PDZD8: variants seen among roughly 807,000 people sequenced by gnomAD.
The protein encoded by PDZD8 is PDZ domain containing 8, also known as PDZ domain-containing protein 8.
In PDZD8, 14 loss-of-function variants were observed where a neutral mutation model predicts 85.8. The ratio of observed to expected loss-of-function variants is 0.16; its 90% confidence interval spans 0.11 to 0.26. The LOEUF is 0.26. Among genes scored for constraint, PDZD8 ranks in the 10% least tolerant of loss-of-function variants. PDZD8 has a pLI of 1.00. For missense variants in PDZD8, 1,197 were observed against 1,424.3 expected, an observed-to-expected ratio of 0.84 and a Z score of 2.57; for synonymous variants, 592 against 568.6, an observed-to-expected ratio of 1.04 and a Z score of -0.59.
At chr10:117,287,520 T>G (rs529927539) in intron 4 of PDZD8, among the ~76,000 whole-genome samples, 1 of 152,320 alleles carries the variant, frequency 6.6e-6, no homozygotes, top group South Asian at 2.1e-4. Flanking sequence ...CTAAAACCTT[T>G]CTTTGACTGT....
chr10:117,322,166 T>C (rs574419323), intron 2 of PDZD8, among the ~76,000 whole-genome samples: 2 of 152,250 alleles, frequency 1.3e-5, no homozygotes, highest in East Asian at 3.9e-4. Context: ...CTGTGCTAGA[T>C]CCTAATAAGA....
chr10:117,362,125 A>C (rs1424218391), intron 1 of PDZD8, among the ~76,000 whole-genome samples: 1 of 152,156 alleles, frequency 6.6e-6, no homozygotes, highest in Non-Finnish European at 1.5e-5. Flanking sequence ...AAAGTACATA[A>C]ATGATTTTAA....
intron 1 of PDZD8, among the ~76,000 whole-genome samples, chr10:117,345,187 T>G (rs1328077911): frequency 6.6e-6 from 1 of 152,220 alleles, no homozygotes; most frequent in Non-Finnish European, 1.5e-5. Flanking sequence ...TTTACAATAG[T>G]CTGTGAAGAA....
chr10:117,285,392 C>T lies in PDZD8; in HGVS notation c.1341G>A (p.Arg447=). 6.2e-7 allele frequency: 1 copy of T among 1,614,092 alleles called. No homozygotes were observed. ...AGDRVLVYYE[R]PVGQSNQGAV... is the part of the protein sequence containing the mutation. ...CACCTTGATTACTCTGGCCAACAGG[C>T]CTTTCATAGTACACCAGGACTCGGT... The change falls in exon 5 of 5, where the codon AGG becomes AGA. Residue 447 remains arginine, a synonymous_variant. Transcript: ENST00000334464.
intron 3 of PDZD8, among the ~76,000 whole-genome samples, chr10:117,297,770 C>G (rs548885564): frequency 6.6e-6 from 1 of 152,228 alleles, no homozygotes; most frequent in African/African-American, 2.4e-5. Flanking sequence ...AAATTATTCT[C>G]TATCTTGATG....
At chr10:117,369,439 G>A (rs1349159358) in intron 1 of PDZD8, among the ~76,000 whole-genome samples, 4 of 152,112 alleles carry the variant, frequency 2.6e-5, no homozygotes, top group African/African-American at 9.7e-5. Flanking sequence ...GATTACAGGA[G>A]TGAGCCACCG....
At chr10:117,344,395 T>C (rs1220630898) in intron 1 of PDZD8, among the ~76,000 whole-genome samples, 1 of 152,192 alleles carries the variant, frequency 6.6e-6, no homozygotes, top group Non-Finnish European at 1.5e-5. Context: ...CTTTTTATTT[T>C]TTATTTTTTT....
intron 2 of PDZD8, among the ~76,000 whole-genome samples, chr10:117,323,387 A>C (rs535148514): frequency 6.6e-6 from 1 of 152,322 alleles, no homozygotes; most frequent in African/African-American, 2.4e-5. Context: ...ACTTTGCCTG[A>C]ATATTCAGTC....
At chr10:117,292,222 G>T (rs1844779702) in intron 3 of PDZD8, among the ~76,000 whole-genome samples, 1 of 152,052 alleles carries the variant, frequency 6.6e-6, no homozygotes, top group Admixed American at 6.6e-5. Flanking sequence ...TGGGATATGT[G>T]GTCAAATTCT....
At chr10:117,317,108 C>A (rs1289806261) in intron 3 of PDZD8, among the ~76,000 whole-genome samples, 1 of 152,102 alleles carries the variant, frequency 6.6e-6, no homozygotes, top group Non-Finnish European at 1.5e-5. Context: ...ACTCAAGGCA[C>A]ATTAAAAGTA....
intron 1 of PDZD8, among the ~76,000 whole-genome samples, chr10:117,355,129 G>T (rs1844870473): frequency 6.6e-6 from 1 of 152,116 alleles, no homozygotes; most frequent in South Asian, 2.1e-4. Context: ...TATATTAAAA[G>T]GACAATTCAT....
At chr10:117,361,235 C>T (rs971355014) in intron 1 of PDZD8, among the ~76,000 whole-genome samples, 2 of 91,138 alleles carry the variant, frequency 2.2e-5, no homozygotes, top group Non-Finnish European at 4.1e-5. Context: ...ACTGTAACGA[C>T]TGAGTCGGGG....
chr10:117,364,216 GTGTGTGTC>G (rs1264009852), intron 1 of PDZD8, among the ~76,000 whole-genome samples: 3 of 151,846 alleles, frequency 2.0e-5, no homozygotes, highest in African/African-American at 7.3e-5. Flanking sequence ...GTGAGAGTGT[GTGTGTGTC>G]TGTGTGTCTG....
At chr10:117,320,970 T>C (rs565898003) in intron 2 of PDZD8, among the ~76,000 whole-genome samples, 2 of 152,206 alleles carry the variant, frequency 1.3e-5, no homozygotes, top group Admixed American at 6.5e-5. Flanking sequence ...ACCCACTAGA[T>C]TGGCTATAAT....
chr10:117,308,270 A>T (rs970850784), intron 3 of PDZD8, among the ~76,000 whole-genome samples: 2 of 152,052 alleles, frequency 1.3e-5, no homozygotes, highest in African/African-American at 2.4e-5. Flanking sequence ...AAACAACAAC[A>T]ACAATACCAC....
At chr10:117,347,066 AC>A (rs1844721793) in intron 1 of PDZD8, among the ~76,000 whole-genome samples, 1 of 150,834 alleles carries the variant, frequency 6.6e-6, no homozygotes, top group African/African-American at 2.4e-5. Context: ...TCCTAAACCC[AC>A]CCCTCCTGTG....
At chr10:117,291,892 C>A (rs1482215462) in intron 3 of PDZD8, among the ~76,000 whole-genome samples, 1 of 151,200 alleles carries the variant, frequency 6.6e-6, no homozygotes, top group Non-Finnish European at 1.5e-5. Flanking sequence ...TACATCCCAG[C>A]TGTTGACAAG....
Position 117,374,421 on chromosome 10 carries a change from G to A in PDZD8, c.807C>T (p.Ser269=), listed in dbSNP as rs768739767. The A allele has an allele frequency of 3.7e-6, 6 of 1,614,112 alleles. No individual in the cohort carries two copies. The African/African-American group carries it at 6.7e-5, about 18-fold the overall frequency. Residue 269 remains serine (S), a synonymous_variant, in exon 1 of 5, where the codon TCC becomes TCT. Transcript: ENST00000334464. The surrounding 1 kb of genome is among the most constrained non-coding windows in gnomAD (Gnocchi z 7.8). ...FEGRPMPQLT[S]IIVNQLKKII... is the part of the protein sequence containing the mutation. The stretch of plus-strand genomic sequence containing the variant: ...TCTTCTTGAGCTGGTTGACGATGAT[G>A]GAGGTGAGCTGGGGCATGGGCCGCC...
chr10:117,298,883 GCC>G (rs1843799413), intron 3 of PDZD8, among the ~76,000 whole-genome samples: 1 of 151,992 alleles, frequency 6.6e-6, no homozygotes, highest in Non-Finnish European at 1.5e-5. Flanking sequence ...TTAGCAGTCA[GCC>G]CTCCATATCC....
Sources: gnomAD v4.1 joint callset for allele counts (sites outside exome capture counted in the v4.1 genomes callset) on GRCh38, gnomAD v4.1.1 for gene constraint, Gnocchi (gnomAD v3.1) non-coding constraint, MANE v1.5 for transcripts, NCBI Gene and HGNC (gene_info 2026-07-23, HGNC 2026-07-21) for gene names.